The following ITFG2 variants were observed in gnomAD, a reference collection of about 807,000 sequenced individuals.
ITFG2 encodes integrin alpha FG-GAP repeat containing 2.
A neutral mutation model predicts 54.4 loss-of-function variants in ITFG2; 36 were observed. The ratio of observed to expected loss-of-function variants is 0.66; its 90% CI spans 0.51 to 0.87. The LOEUF is 0.87. ITFG2 is among the 40% of genes least tolerant of loss of function. The pLI is 0.00. For synonymous variants in ITFG2, 211 were observed against 225.4 expected (o/e 0.94, Z 0.57); for missense variants, 524 against 576.7 (o/e 0.91, Z 0.94).
upstream of ITFG2, among the ~76,000 whole-genome samples, chr12:2,833,316 T>C (rs542606918): frequency 7.2e-5 from 11 of 152,094 alleles, no homozygotes; most frequent in Admixed American, 7.2e-4. Context: ...TCCATCCCTG[T>C]TTTTCAGCTA....
intron 2 of ITFG2, chr12:2,849,618 T>C: frequency 7.2e-7 from 1 of 1,397,618 alleles, no homozygotes; most frequent in Non-Finnish European, 9.7e-7. Flanking sequence ...GATGCCGCTG[T>C]CCACAAGCTA....
At position 2,859,297 on chromosome 12, in the gene ITFG2, G is replaced by A. The variant is rs145831539; in HGVS notation, n.621-237G>A. ...GGAGGCAGTAGATGCTGTTTTCTCC[G>A]AGACCGGCTCCTCTCCCTCCTCTCC... On this transcript the variant is annotated intron_variant and non_coding_transcript_variant, in intron 3 of 3. Coordinates refer to the ITFG2 transcript ENST00000537710. 43 of 1,613,376 alleles carry A rather than the reference G, an allele frequency of 2.7e-5. No individual in the cohort carries two copies. The highest frequency in any genetic ancestry group is 3.3e-5 in the Admixed American group (2 of 59,996).
At chr12:2,853,417 C>T (rs1007511966) in intron 2 of ITFG2, among the ~76,000 whole-genome samples, 4 of 152,144 alleles carry the variant, frequency 2.6e-5, no homozygotes, top group South Asian at 2.1e-4. Context: ...GGATTACAGG[C>T]GCCTGCCACC....
intron 2 of ITFG2, among the ~76,000 whole-genome samples, chr12:2,852,827 G>T (rs994008789): frequency 2.0e-4 from 30 of 152,030 alleles, no homozygotes; most frequent in African/African-American, 6.7e-4. Flanking sequence ...GAGAAACCCC[G>T]TCTCTACTAA....
In ITFG2 at chr12:2,856,369, T is replaced by C. The variant is rs2098087269; in HGVS notation, n.301-1643T>C. Among the ~76,000 whole-genome samples the C allele has an allele frequency of 2.0e-5, 3 of 152,234 alleles. No individual in the cohort carries two copies. The South Asian group carries it at 6.2e-4, about 32-fold the overall frequency. ...TCGCCCTCCTATCCATCCCCAGGGA[T>C]GTTTTCTTTTTTTAGATGGAGTTTC... On this transcript the variant is annotated intron_variant and non_coding_transcript_variant, in intron 2 of 3. Transcript: ENST00000537710.
intron 2 of ITFG2, chr12:2,854,776 G>C: frequency 1.8e-6 from 2 of 1,086,456 alleles, no homozygotes; most frequent in Non-Finnish European, 2.6e-6. Flanking sequence ...AAAGAGTTTG[G>C]TTTTCAGATG....
Position 2,820,330 on chromosome 12 carries a change from A to G in ITFG2, c.546+105A>G, listed in dbSNP as rs1341504356. Reference sequence around the variant, plus strand: ...ATGGGACAGGGCCAGGGTGGGGAGAAGTGAAAAGTCACCTTGTCAAGAGAG... The same window carrying G: ...ATGGGACAGGGCCAGGGTGGGGAGAGGTGAAAAGTCACCTTGTCAAGAGAG... On this transcript the variant is annotated intron_variant, in intron 5 of 11. Transcript: ENST00000228799. 9.6e-6 allele frequency: 13 copies of G among 1,356,098 alleles called. No individual in the cohort carries two copies. Among genetic ancestry groups the G allele is most frequent in the Admixed American group, 8.6e-5 (3 of 34,766 alleles). The allele number at this position is 1,356,098 out of a possible 1,614,324, so 84.0% of individuals were successfully genotyped here.
chr12:2,827,840 G>T (rs2097976377), downstream of ITFG2: 16 of 1,607,300 alleles, frequency 1.0e-5, 1 homozygote, highest in South Asian at 1.8e-4. This position sits in a 1 kb window ranked among gnomAD's most constrained non-coding sequence, Gnocchi z 4.0. Flanking sequence ...TCCTCGTGCT[G>T]CAGGGAGTGA....
upstream of ITFG2, chr12:2,834,507 C>T: frequency 1.6e-6 from 2 of 1,282,642 alleles, no homozygotes; most frequent in South Asian, 1.7e-5. Context: ...GGCAGGATGA[C>T]CTCTCCCCAT....
intron 9 of ITFG2, 142 bp from the exon 10 acceptor site, chr12:2,822,652 G>T (rs998238619): frequency 4.2e-6 from 3 of 711,112 alleles, no homozygotes; most frequent in African/African-American, 3.5e-5. Flanking sequence ...TAGGGTGGCT[G>T]TGAGCATTAT....
chr12:2,841,759 C>T (rs2153927197), intron 2 of ITFG2, among the ~76,000 whole-genome samples: 1 of 152,128 alleles, frequency 6.6e-6, no homozygotes, highest in African/African-American at 2.4e-5. Flanking sequence ...CACCCTGTCA[C>T]CCAGGCTGGA....
At chr12:2,858,419 C>A in intron 3 of ITFG2, 1 of 530,634 alleles carries the variant, frequency 1.9e-6, no homozygotes, top group South Asian at 2.9e-5. Context: ...CACCCTTCAG[C>A]TCCTGGCAGG....
At chr12:2,830,540 T>G (rs1410277115) in intron 2 of ITFG2, 2 of 624,204 alleles carry the variant, frequency 3.2e-6, no homozygotes, top group African/African-American at 3.8e-5. Flanking sequence ...AGACATGGCT[T>G]GGGGCAGGGA....
intron 2 of ITFG2, chr12:2,857,209 A>T: frequency 1.6e-6 from 1 of 619,738 alleles, no homozygotes; most frequent in South Asian, 1.8e-5. Context: ...TTAGACAGGC[A>T]GGGGATAGCA....
upstream of ITFG2, among the ~76,000 whole-genome samples, chr12:2,833,639 T>C (rs2098014060): frequency 6.6e-6 from 1 of 152,088 alleles, no homozygotes; most frequent in Admixed American, 6.5e-5. Flanking sequence ...GGGAACCGAG[T>C]GCTCCCAAGC....
chr12:2,820,929 C>G, intron 6 of ITFG2, 57 bp downstream of exon 6: 1 of 1,570,538 alleles, frequency 6.4e-7, no homozygotes. Flanking sequence ...GGATGGGCTC[C>G]CAGATGCCAC....
chr12:2,820,341 A>G (rs1011462537), intron 5 of ITFG2, 116 bp downstream of exon 5: 176 of 1,291,220 alleles, frequency 1.4e-4, no homozygotes, highest in Non-Finnish European at 1.7e-4. Context: ...GTGAAAAGTC[A>G]CCTTGTCAAG....
chr12:2,827,818 A>C (rs113762274), downstream of ITFG2: 296 of 1,602,976 alleles, frequency 1.8e-4, no homozygotes, highest in African/African-American at 3.2e-3. The surrounding 1 kb of genome is among the most constrained non-coding windows in gnomAD (Gnocchi z 4.0). Flanking sequence ...TAGTCAGAAC[A>C]TCTCTGGGAA....
At chr12:2,853,469 C>T (rs927897655) in intron 2 of ITFG2, among the ~76,000 whole-genome samples, 2 of 152,048 alleles carry the variant, frequency 1.3e-5, no homozygotes, top group Admixed American at 6.5e-5. Flanking sequence ...GACGGGGTTT[C>T]ACCATGTTGG....
Sources: allele counts gnomAD v4.1 joint callset (sites outside exome capture counted in the v4.1 genomes callset), GRCh38; gene constraint gnomAD v4.1.1; non-coding constraint Gnocchi (gnomAD v3.1); transcripts MANE v1.5; gene names NCBI Gene and HGNC (gene_info 2026-07-23, HGNC 2026-07-21).